IRX2: variants seen among roughly 807,000 people sequenced by gnomAD.
The protein encoded by IRX2 is iroquois-class homeodomain protein IRX-2.
A neutral mutation model predicts 42.9 loss-of-function variants in IRX2; 26 were observed. That is an observed-to-expected ratio of 0.61 (90% confidence interval 0.44 to 0.84). The LOEUF is 0.84. Among genes scored for constraint, IRX2 ranks in the 40% least tolerant of loss-of-function variants. The pLI, the probability that IRX2 is intolerant of heterozygous loss-of-function variation, is 0.00. For missense variants in IRX2, 782 were observed against 713.9 expected, an observed-to-expected ratio of 1.10 and a Z score of -1.09; for synonymous variants, 424 against 353.9, an observed-to-expected ratio of 1.20 and a Z score of -2.22.
At position 2,747,354 on chromosome 5, in the gene IRX2, G is replaced by C. The variant is rs992847683; in HGVS notation, c.*210C>G. The C allele has an allele frequency of 4.3e-6, 2 of 465,628 alleles. No individual in the cohort carries two copies. The highest frequency in any genetic ancestry group is 3.9e-5 in the African/African-American group (2 of 51,338). The allele number at this position is 465,628 out of a possible 1,614,324, so 28.8% of individuals were successfully genotyped here. On this transcript the variant is annotated 3_prime_UTR_variant, in exon 4 of 4. Transcript: ENST00000302057. The stretch of plus-strand genomic sequence containing the variant: ...TCCTTCCCTAGGTAAAGGAGTGATA[G>C]AACTTGTGCCAAAAAGAGGGAATCT...
Position 2,748,908 on chromosome 5 carries a change from T to C in IRX2, c.800A>G (p.Glu267Gly). The change falls in exon 3 of 4, where the codon GAG (glutamate) becomes GGG (glycine). Residue 267 changes from glutamate (E) to glycine (G), a missense_variant. Transcript: ENST00000302057. Reference sequence around the variant, plus strand: ...CCGCTCGCCCTCCTCGTCGTCGTCCTCGTCGTCCTCCAGGTCGTCATACTT... The same window carrying C: ...CCGCTCGCCCTCCTCGTCGTCGTCCCCGTCGTCCTCCAGGTCGTCATACTT... ...KDKYDDLEDD[E>G]DDDEEGERGL... The C allele has an allele frequency of 1.9e-6, 3 of 1,596,474 alleles. No individual in the cohort carries two copies. Among genetic ancestry groups the C allele is most frequent in the Non-Finnish European group, 2.5e-6 (3 of 1,179,278 alleles).
downstream of IRX2, among the ~76,000 whole-genome samples, chr5:2,742,452 C>T (rs547787050): frequency 2.6e-4 from 40 of 152,244 alleles, no homozygotes; most frequent in South Asian, 6.2e-4. Flanking sequence ...GGACATGTCC[C>T]CCTTGCGATT....
In IRX2 at chr5:2,747,411, G is replaced by A; in HGVS notation, c.*153C>T. The stretch of plus-strand genomic sequence containing the variant: ...CAGAAAATATAGTTTCCCCCTTAAG[G>A]AAAGAAAAGCTGGACAAGATTGAAA... On this transcript the variant is annotated 3_prime_UTR_variant, in exon 4 of 4. Coordinates refer to ENST00000302057, the MANE Select transcript of IRX2 (RefSeq NM_033267.5). 1 of 589,900 alleles carries A rather than the reference G, an allele frequency of 1.7e-6. No individual in the cohort carries two copies. The allele number at this position is 589,900 out of a possible 1,614,324, so 36.5% of individuals were successfully genotyped here. A position where few individuals can be genotyped will look rare whatever the true frequency, so the allele number is the denominator to read the frequency against.
At chr5:2,743,044 A>G (rs183440661), downstream of IRX2, among the ~76,000 whole-genome samples, 343 of 152,332 alleles carry the variant, frequency 2.3e-3, 2 homozygotes, top group African/African-American at 7.9e-3. Flanking sequence ...TAATAAACAC[A>G]TAAGTTAAAG....
downstream of IRX2, chr5:2,745,836 T>G (rs1737648076): frequency 1.3e-5 from 2 of 152,150 alleles, no homozygotes; most frequent in South Asian, 4.1e-4. Context: ...GAAATAAATA[T>G]AAAATGCATA....
In IRX2 at chr5:2,746,534, T is replaced by C. The variant is rs978001549; in HGVS notation, c.*1030A>G. ...ATATCCTGAGAAAAACAGATTGTTT[T>C]CAAAAGTCACACATACATCGGGGAA... On this transcript the variant is annotated 3_prime_UTR_variant, in exon 4 of 4. Transcript: ENST00000302057. 1 of 152,448 alleles carries C rather than the reference T, an allele frequency of 6.6e-6. No homozygotes were observed. The highest frequency in any genetic ancestry group is 2.4e-5 in the African/African-American group (1 of 41,440). 9.4% of individuals were successfully genotyped at this position (152,448 alleles called of 1,614,324 possible).
chr5:2,744,698 G>A (rs898740920), downstream of IRX2, among the ~76,000 whole-genome samples: 4 of 152,214 alleles, frequency 2.6e-5, no homozygotes, highest in Admixed American at 1.3e-4. Context: ...CTCCACACAC[G>A]CTCATATCTA....
chr5:2,748,391 G>C lies in IRX2; in HGVS notation c.1317C>G (p.Leu439=), dbSNP rs772781529. The change falls in exon 3 of 4, where the codon CTC becomes CTG. Residue 439 remains leucine (L), a synonymous_variant. Transcript: ENST00000302057. ...SDAGKAGAHP[L]ESHYRSPGGG... ...CGCCCGGGGACCGGTAGTGGGACTC[G>C]AGCGGGTGCGCGCCCGCCTTGCCCG... 1.4e-5 allele frequency: 21 copies of C among 1,480,806 alleles called. No homozygotes were observed. Among genetic ancestry groups the C allele is most frequent in the South Asian group, 9.1e-5 (7 of 77,010 alleles). 91.7% of individuals were successfully genotyped at this position (1,480,806 alleles called of 1,614,324 possible). A position where few individuals can be genotyped will look rare whatever the true frequency, so the allele number is the denominator to read the frequency against.
Position 2,748,456 on chromosome 5 carries a change from C to A in IRX2, c.1252G>T (p.Gly418Cys). The part of the protein sequence containing the change: ...LRYNSAAAAP[G>C]EALHTAPKAA... ...TTTGGCGCGGTGTGCAGGGCCTCGCCGGGGGCCGCGGCCGCAGAGTTGTAC... is the reference window on the plus strand; with the variant it reads ...TTTGGCGCGGTGTGCAGGGCCTCGCAGGGGGCCGCGGCCGCAGAGTTGTAC... The change falls in exon 3 of 4, where the codon GGC becomes TGC. Residue 418 changes from glycine (G) to cysteine (C), a missense_variant. By Grantham distance (159) the Gly-to-Cys change is radical. Coordinates refer to ENST00000302057, the MANE Select transcript of IRX2 (RefSeq NM_033267.5). 1 of 1,569,170 alleles carries A rather than the reference C, an allele frequency of 6.4e-7. No individual in the cohort carries two copies. The highest frequency in any genetic ancestry group is 8.6e-7 in the Non-Finnish European group (1 of 1,161,576).
chr5:2,749,386 G>A lies in IRX2; in HGVS notation c.651C>T (p.Asp217=). The A allele has an allele frequency of 1.2e-6, 2 of 1,604,768 alleles. No individual in the cohort carries two copies. Among genetic ancestry groups the A allele is most frequent in the Non-Finnish European group, 1.7e-6 (2 of 1,175,856 alleles). Reference sequence around the variant, plus strand: ...CGCCGGCCGCTGCCCGCTCACCTTCGTCCTCTGCCGAGGTCTCCGTGCCCT... The same window carrying A: ...CGCCGGCCGCTGCCCGCTCACCTTCATCCTCTGCCGAGGTCTCCGTGCCCT... ...AQEGTETSAE[D]EGISLHVDSL... is the part of the protein sequence containing the mutation. Residue 217 remains aspartate, a synonymous_variant, in exon 2 of 4, where the codon GAC becomes GAT. Transcript: ENST00000302057.
downstream of IRX2, among the ~76,000 whole-genome samples, chr5:2,745,382 AATTAT>A (rs755561302): frequency 4.4e-4 from 67 of 152,288 alleles, no homozygotes; most frequent in Admixed American, 6.5e-4. Flanking sequence ...TCTTCTCTGA[AATTAT>A]ATTATATGGA....
Position 2,751,545 on chromosome 5 carries a change from G to A in IRX2, c.-132C>T. 1 of 516,868 alleles carries A rather than the reference G, an allele frequency of 1.9e-6. No homozygotes were observed. Among genetic ancestry groups the A allele is most frequent in the Non-Finnish European group, 2.5e-6 (1 of 405,932 alleles). The allele number at this position is 516,868 out of a possible 1,614,324, so 32.0% of individuals were successfully genotyped here. A position where few individuals can be genotyped will look rare whatever the true frequency, so the allele number is the denominator to read the frequency against. On this transcript the variant is annotated 5_prime_UTR_variant, in exon 1 of 4. Coordinates refer to ENST00000302057, the MANE Select transcript of IRX2 (RefSeq NM_033267.5). This position sits in a 1 kb window ranked among gnomAD's most constrained non-coding sequence, Gnocchi z 4.0. ...CGGCCGGCGGAGGCAGGCCGGCCCG[G>A]GTACTAGCCTGGGCGGCCCGCGGGC... is the stretch of plus-strand genomic sequence containing the variant.
the IRX2 span, among the ~76,000 whole-genome samples, chr5:2,739,234 C>A: frequency 6.6e-6 from 1 of 152,246 alleles, no homozygotes; most frequent in East Asian, 1.9e-4. Flanking sequence ...CCCGAGCCCG[C>A]CGGCCCTCGC....
At chr5:2,741,073 C>A (rs1010976436), downstream of IRX2, among the ~76,000 whole-genome samples, 18 of 152,250 alleles carry the variant, frequency 1.2e-4, no homozygotes, top group Non-Finnish European at 2.2e-4. Context: ...TCGCTCTGGG[C>A]GAACACGCAG....
rs576005663 is a variant in IRX2, at chr5:2,751,246, C to A, written c.168G>T (p.Ala56=). Residue 56 remains alanine, a synonymous_variant, in exon 1 of 4, where the codon GCG becomes GCT. Transcript: ENST00000302057. This position sits in a 1 kb window ranked among gnomAD's most constrained non-coding sequence, Gnocchi z 4.0. ...SPYPGSAAFT[A]QAATGFGSPL... is the part of the protein sequence containing the mutation. ...GGCTCCCGAAGCCGGTGGCCGCCTG[C>A]GCCGTGAAGGCCGCCGAGCCCGGGT... 1,412 of 1,395,826 alleles carry A rather than the reference C, an allele frequency of 1.0e-3. 11 individuals are homozygous for A. The African/African-American group carries it at 0.019, about 19-fold the overall frequency. 86.5% of individuals were successfully genotyped at this position (1,395,826 alleles called of 1,614,324 possible).
At chr5:2,747,906 T>A (rs932238628) in intron 3 of IRX2, among the ~76,000 whole-genome samples, 127 of 152,318 alleles carry the variant, frequency 8.3e-4, no homozygotes, top group African/African-American at 3.0e-3. Context: ...GAAAAAACAT[T>A]TGATTTTATC....
chr5:2,743,382 C>A (rs1737585058), downstream of IRX2, among the ~76,000 whole-genome samples: 1 of 152,176 alleles, frequency 6.6e-6, no homozygotes, highest in Non-Finnish European at 1.5e-5. Flanking sequence ...CCGCGCCGGC[C>A]GCCGGGCAAG....
rs554673332 is a variant in IRX2, at chr5:2,748,626, G to T, written c.1082C>A (p.Ala361Asp). 7.2e-5 allele frequency: 107 copies of T among 1,479,290 alleles called. No individual in the cohort carries two copies. The highest frequency in any genetic ancestry group is 1.6e-4 in the Admixed American group (6 of 38,342). 91.6% of individuals were successfully genotyped at this position (1,479,290 alleles called of 1,614,324 possible). A position where few individuals can be genotyped will look rare whatever the true frequency, so the allele number is the denominator to read the frequency against. The stretch of plus-strand genomic sequence containing the variant: ...GCCTCCTGGCGGTGCCCCGGTTGAG[G>T]CCGGCGCGGCGGCCGCGGGCAGCCC... ...PPGLPAAAAP[A>D]STGAPPGGSP... The change falls in exon 3 of 4, where the codon GCC becomes GAC. Residue 361 changes from alanine (A) to aspartate (D), a missense_variant. Physicochemically the swap from Ala to Asp is moderately radical, Grantham distance 126. This residue lies in a region of IRX2 where 520 missense variants were observed against 437.8 expected (regional missense o/e 1.19). Transcript: ENST00000302057.
At chr5:2,748,281 G>C (rs1737753605) in intron 3 of IRX2, 64 bp downstream of exon 3, 2 of 1,327,890 alleles carry the variant, frequency 1.5e-6, no homozygotes, top group Non-Finnish European at 9.6e-7. Context: ...TCTCCCGGGC[G>C]CTCCGCCTCC....
Sources: gnomAD v4.1 joint callset for allele counts (sites outside exome capture counted in the v4.1 genomes callset) on GRCh38, gnomAD v4.1.1 for gene constraint, gnomAD v4.1.1 regional missense constraint, Gnocchi (gnomAD v3.1) non-coding constraint, MANE v1.5 for transcripts, NCBI Gene and HGNC (gene_info 2026-07-23, HGNC 2026-07-21) for gene names.